The following THOC7 variants were observed in gnomAD, a reference collection of about 807,000 sequenced individuals.
The protein encoded by THOC7 is NIF3L1-binding protein 1.
In THOC7, 22 loss-of-function variants were observed where a neutral mutation model predicts 33.1. That is an observed-to-expected ratio of 0.66 (90% CI 0.47 to 0.95). The LOEUF (loss-of-function observed/expected upper bound fraction) is 0.95. Ranked by LOEUF, THOC7 falls within the 40% of genes least tolerant of loss-of-function variation. THOC7 has a pLI of 0.00. For synonymous variants in THOC7, 77 were observed against 76.8 expected (o/e 1.00, Z -0.01); for missense variants, 184 against 245.3 (o/e 0.75, Z 1.67).
chr3:63,839,511 A>C, intron 2 of THOC7, 145 bp downstream of exon 2: 2 of 741,106 alleles, frequency 2.7e-6, no homozygotes, highest in Non-Finnish European at 4.7e-6. Context: ...AGAAAAGGCC[A>C]AGAAAATCTA....
At chr3:63,852,564 G>A (rs1702039516) in intron 1 of THOC7, among the ~76,000 whole-genome samples, 1 of 152,196 alleles carries the variant, frequency 6.6e-6, no homozygotes, top group Admixed American at 6.5e-5. Flanking sequence ...GCTGGGGCAT[G>A]AGTGTGTAGA....
intron 1 of THOC7, among the ~76,000 whole-genome samples, chr3:63,847,512 C>G (rs1013674767): frequency 3.3e-5 from 5 of 152,090 alleles, no homozygotes; most frequent in Non-Finnish European, 7.4e-5. Flanking sequence ...CAGAGGCGAG[C>G]GGATCACTTG....
chr3:63,835,100 T>C (rs1701602252), intron 7 of THOC7, 54 bp downstream of exon 7: 1 of 1,555,550 alleles, frequency 6.4e-7, no homozygotes, highest in Non-Finnish European at 8.8e-7. Context: ...GGTACATCCC[T>C]GGGTCATTTA....
At chr3:63,853,179 ATCACAGG>A (rs1702050576) in intron 1 of THOC7, among the ~76,000 whole-genome samples, 1 of 151,028 alleles carries the variant, frequency 6.6e-6, no homozygotes, top group African/African-American at 2.5e-5. Context: ...AAAAAAAAGA[ATCACAGG>A]TCCTAGAAGG....
At chr3:63,839,584 C>T in intron 2 of THOC7, 72 bp downstream of exon 2, 1 of 1,278,036 alleles carries the variant, frequency 7.8e-7, no homozygotes, top group East Asian at 2.3e-5. Context: ...TTGATCTACT[C>T]ACAGGACCTT....
intron 1 of THOC7, among the ~76,000 whole-genome samples, chr3:63,856,020 C>T (rs140222671): frequency 2.0e-5 from 3 of 152,162 alleles, no homozygotes; most frequent in Admixed American, 6.5e-5. Flanking sequence ...CACAAGTACG[C>T]GAATATATCT....
chr3:63,861,218 G>A (rs1702204240), intron 1 of THOC7, among the ~76,000 whole-genome samples: 1 of 152,098 alleles, frequency 6.6e-6, no homozygotes, highest in Admixed American at 6.5e-5. Context: ...AGATTCCTGT[G>A]GCTTTTAAGG....
At chr3:63,858,639 T>C (rs148514309) in intron 1 of THOC7, among the ~76,000 whole-genome samples, 145 of 152,316 alleles carry the variant, frequency 9.5e-4, no homozygotes, top group African/African-American at 3.3e-3. Context: ...GTACTAACAA[T>C]ATTTAGCATC....
intron 1 of THOC7, among the ~76,000 whole-genome samples, chr3:63,852,955 A>C (rs1164346943): frequency 6.6e-6 from 1 of 152,142 alleles, no homozygotes; most frequent in Non-Finnish European, 1.5e-5. Context: ...GTTTGAGACC[A>C]GGCTGGCCAA....
At chr3:63,863,579 G>A in intron 1 of THOC7, 193 bp downstream of exon 1, 1 of 1,197,574 alleles carries the variant, frequency 8.4e-7, no homozygotes. Context: ...GGGCTCTGGC[G>A]AGAGGAGGAA....
chr3:63,857,917 C>T (rs1256440837), intron 1 of THOC7, among the ~76,000 whole-genome samples: 1 of 152,010 alleles, frequency 6.6e-6, no homozygotes. Context: ...ATTATCTTGG[C>T]TAAAGAAACA....
At chr3:63,853,764 C>T (rs1184382222) in intron 1 of THOC7, among the ~76,000 whole-genome samples, 2 of 151,978 alleles carry the variant, frequency 1.3e-5, no homozygotes, top group African/African-American at 2.4e-5. Context: ...AAAAATTAGC[C>T]GGGCATAGTG....
chr3:63,863,565 G>A, intron 1 of THOC7: 1 of 1,195,746 alleles, frequency 8.4e-7, no homozygotes, highest in Admixed American at 4.5e-5. Context: ...TCCGAGGGGC[G>A]CTCGGGCTCT....
At chr3:63,862,412 T>C (rs1702242711) in intron 1 of THOC7, among the ~76,000 whole-genome samples, 1 of 152,246 alleles carries the variant, frequency 6.6e-6, no homozygotes, top group African/African-American at 2.4e-5. Flanking sequence ...TTTGTCACTC[T>C]TAAAACTCAT....
At chr3:63,861,489 T>C (rs554023751) in intron 1 of THOC7, 1 of 152,358 alleles carries the variant, frequency 6.6e-6, no homozygotes, top group Non-Finnish European at 1.5e-5. Flanking sequence ...GCATTCCCTC[T>C]TGGTCACAGT....
chr3:63,845,351 T>A (rs1464555832), intron 1 of THOC7, among the ~76,000 whole-genome samples: 1 of 152,142 alleles, frequency 6.6e-6, no homozygotes, highest in Non-Finnish European at 1.5e-5. Context: ...TTGTTTCGGC[T>A]CCCACTCTGG....
rs144002394 is a variant in THOC7 at position 63,834,090 on chromosome 3, A to T, written c.*42T>A. The T allele has an allele frequency of 2.5e-4, 402 of 1,596,466 alleles. 2 individuals are homozygous for T. In the African/African-American group the frequency reaches 4.1e-3, roughly 16 times the overall value. The stretch of plus-strand genomic sequence containing the variant: ...CATTTTAAACACATTATGGTCATGT[A>T]GCTATTTCAATATTCCTGGGAGTGG... On this transcript the variant is annotated 3_prime_UTR_variant, in exon 8 of 8. Transcript: ENST00000295899.
intron 2 of THOC7, 106 bp downstream of exon 2, chr3:63,839,550 T>C (rs1701712002): frequency 2.0e-5 from 19 of 928,740 alleles, no homozygotes; most frequent in African/African-American, 3.3e-5. Flanking sequence ...TTGACTCCAC[T>C]GTACATTTAA....
chr3:63,856,779 G>A (rs879622743), intron 1 of THOC7, among the ~76,000 whole-genome samples: 18 of 151,592 alleles, frequency 1.2e-4, no homozygotes, highest in Admixed American at 2.0e-4. Flanking sequence ...AGTGCGTGGC[G>A]CTATCTCGGC....
Sources: allele counts gnomAD v4.1 joint callset (sites outside exome capture counted in the v4.1 genomes callset), GRCh38; gene constraint gnomAD v4.1.1; transcripts MANE v1.5; gene names NCBI Gene and HGNC (gene_info 2026-07-23, HGNC 2026-07-21).